Variants in ZMYM6 observed in about 807,000 individuals in gnomAD.
ZMYM6 encodes the protein zinc finger MYM-type protein 6.
A neutral mutation model predicts 134.0 loss-of-function variants in ZMYM6; 90 were observed. The ratio of observed to expected loss-of-function variants is 0.67; its 90% CI spans 0.57 to 0.80. ZMYM6 has a LOEUF of 0.80. ZMYM6 is among the 30% of genes least tolerant of loss of function. The pLI is 0.00. For synonymous variants in ZMYM6, 481 were observed against 524.1 expected (o/e 0.92, Z 1.12); for missense variants, 1,362 against 1,533.9 (o/e 0.89, Z 1.87).
intron 9 of ZMYM6, 21 bp downstream of exon 9, chr1:35,010,737 C>T (rs1292367363): frequency 1.9e-6 from 3 of 1,538,748 alleles, no homozygotes; most frequent in African/African-American, 1.4e-5. Flanking sequence ...ATATACAATC[C>T]CTTTCATGAT....
At chr1:35,023,138 C>T (rs1048038185) in intron 2 of ZMYM6, among the ~76,000 whole-genome samples, 3 of 151,274 alleles carry the variant, frequency 2.0e-5, no homozygotes, top group South Asian at 2.1e-4. Context: ...GATGGAGTTT[C>T]GCTCTTGTTG....
chr1:35,030,751 G>T, intron 1 of ZMYM6, 38 bp from the exon 2 acceptor site: 1 of 1,113,794 alleles, frequency 9.0e-7, no homozygotes, highest in Non-Finnish European at 1.3e-6. Flanking sequence ...TTTTCTTCAG[G>T]CTTATCTATA....
In ZMYM6 at chr1:34,988,804, T is replaced by G. The variant is rs965353852; in HGVS notation, c.2278A>C (p.Lys760Gln). The G allele has an allele frequency of 1.3e-6, 2 of 1,553,850 alleles. No homozygotes were observed. The highest frequency in any genetic ancestry group is 2.7e-5 in the African/African-American group (2 of 73,174). ...CACTGTGGCCTTGGTGAACTTTCTT[T>G]TGATCCAGGACAGATAATAAAACCA... The part of the protein sequence containing the change: ...KVGFIICPGS[K>Q]ESSPRPQCVI... The change falls in exon 16 of 16, where the codon AAA becomes CAA. Residue 760 changes from lysine (K) to glutamine (Q), a missense_variant. Physicochemically the swap from Lys to Gln is moderately conservative, Grantham distance 53 (BLOSUM62 1). Around this residue, in one of 3 missense-constraint regions of ZMYM6, gnomAD observed 824 missense variants for 940.9 expected, o/e 0.88. Coordinates refer to ENST00000357182, the MANE Select transcript of ZMYM6 (RefSeq NM_007167.4).
rs1404309700 is a variant in ZMYM6, at chr1:35,007,576, A to G, written c.1666-478T>C. Among the ~76,000 whole-genome samples, 5 of 151,958 alleles carry G rather than the reference A, an allele frequency of 3.3e-5. No homozygotes were observed. The South Asian group carries it at 8.3e-4, about 25-fold the overall frequency. ...GCACTCCAGCCTGGGTGACAGAGTAAGACTCTGTCTCAATAGAAAAAAAAA... is the reference window on the plus strand; with the variant it reads ...GCACTCCAGCCTGGGTGACAGAGTAGGACTCTGTCTCAATAGAAAAAAAAA... On this transcript the variant is annotated intron_variant, in intron 11 of 15. Coordinates refer to ENST00000357182, the MANE Select transcript of ZMYM6 (RefSeq NM_007167.4).
Position 34,988,514 on chromosome 1 carries a change from A to G in ZMYM6, c.2568T>C (p.Tyr856=), listed in dbSNP as rs61745582. ...FSIAEELIKP[Y]LVEMCSEVLG... Reference sequence around the variant, plus strand: ...AAACTTCTGAACACATTTCTACTAAATATGGTTTAATTAATTCTTCAGCAA... The same window carrying G: ...AAACTTCTGAACACATTTCTACTAAGTATGGTTTAATTAATTCTTCAGCAA... The change falls in exon 16 of 16, where the codon TAT becomes TAC. Residue 856 remains tyrosine (Y), a synonymous_variant. Coordinates refer to ENST00000357182, the MANE Select transcript of ZMYM6 (RefSeq NM_007167.4). The G allele has an allele frequency of 7.6e-3, 11,850 of 1,550,912 alleles. 660 individuals carry two copies. The African/African-American group carries it at 0.13, about 17-fold the overall frequency.
chr1:34,992,239 T>C lies in ZMYM6; in HGVS notation c.2141A>G (p.Gln714Arg). The C allele has an allele frequency of 1.2e-6, 2 of 1,614,010 alleles. No individual in the cohort carries two copies. Among genetic ancestry groups the C allele is most frequent in the African/African-American group, 1.3e-5 (1 of 75,062 alleles). ...CKPHTQHKEC[Q>R]TDLPMPNEKN... ...GAACGCACAAGGATACATACCTGTC[T>C]GACATTCTTTGTGCTGTGTATGTGG... Residue 714 changes from glutamine (Q) to arginine (R), a missense_variant, in exon 15 of 16, where the codon CAG (glutamine) becomes CGG (arginine). This residue lies in a region of ZMYM6 where 824 missense variants were observed against 940.9 expected (regional missense o/e 0.88). Transcript: ENST00000357182.
At chr1:35,011,675 G>A (rs1484942904) in intron 8 of ZMYM6, among the ~76,000 whole-genome samples, 1 of 152,146 alleles carries the variant, frequency 6.6e-6, no homozygotes, top group Admixed American at 6.5e-5. Flanking sequence ...GACAGTTTAG[G>A]CTAGGATCCT....
intron 2 of ZMYM6, among the ~76,000 whole-genome samples, chr1:35,028,631 C>T (rs780360028): frequency 4.6e-5 from 7 of 151,524 alleles, no homozygotes; most frequent in Non-Finnish European, 1.0e-4. Context: ...TCCCAAGTAG[C>T]TGGGACTACA....
intron 3 of ZMYM6, 82 bp downstream of exon 3, chr1:35,020,301 C>T (rs1641282262): frequency 2.4e-6 from 3 of 1,242,044 alleles, no homozygotes; most frequent in East Asian, 4.8e-5. Context: ...GAAAGACATA[C>T]ATGAAAAGAT....
At chr1:34,998,658 G>A (rs550311937) in intron 14 of ZMYM6, among the ~76,000 whole-genome samples, 1 of 152,018 alleles carries the variant, frequency 6.6e-6, no homozygotes, top group South Asian at 2.1e-4. Context: ...AAGTCTGGAG[G>A]GATAAAAGGG....
At chr1:35,029,132 C>T (rs1641470553) in intron 2 of ZMYM6, among the ~76,000 whole-genome samples, 1 of 152,094 alleles carries the variant, frequency 6.6e-6, no homozygotes, top group African/African-American at 2.4e-5. Context: ...GTGAAAGTTG[C>T]AGTGAGCCAC....
intron 2 of ZMYM6, among the ~76,000 whole-genome samples, chr1:35,023,868 C>T (rs1269708714): frequency 9.9e-5 from 15 of 151,682 alleles, no homozygotes; most frequent in African/African-American, 3.2e-4. Context: ...GTGATCTGCC[C>T]GTCTCGGCCT....
intron 2 of ZMYM6, among the ~76,000 whole-genome samples, chr1:35,027,135 A>G (rs948022152): frequency 6.6e-6 from 1 of 152,244 alleles, no homozygotes; most frequent in Non-Finnish European, 1.5e-5. Flanking sequence ...TGGCAGGTGC[A>G]AAGGCAGGGA....
Position 35,007,060 on chromosome 1 carries a change from T to G in ZMYM6, c.1704A>C (p.Leu568=), listed in dbSNP as rs1436622884. 6.2e-7 allele frequency: 1 copy of G among 1,610,168 alleles called. No individual in the cohort carries two copies. Among genetic ancestry groups the G allele is most frequent in the African/African-American group, 1.3e-5 (1 of 74,914 alleles). ...TGCCTCGCCACTTTATGGACTCGCT[T>G]AGTTTACCCTGTCGTTTACAACCAT... ...KCDGCKRQGK[L]SESIKWRGNI... The change falls in exon 12 of 16, where the codon CTA becomes CTC. Residue 568 remains leucine, a synonymous_variant. Transcript: ENST00000357182.
intron 2 of ZMYM6, among the ~76,000 whole-genome samples, chr1:35,024,987 G>A (rs1641381743): frequency 6.6e-6 from 1 of 151,926 alleles, no homozygotes; most frequent in South Asian, 2.1e-4. Flanking sequence ...TCCTGCCTCA[G>A]CCTCCCCAGT....
intron 4 of ZMYM6, 151 bp from the exon 5 acceptor site, chr1:35,015,313 G>A: frequency 1.5e-6 from 1 of 665,326 alleles, no homozygotes; most frequent in Non-Finnish European, 2.5e-6. Context: ...GATGAGTTCT[G>A]CTATTTATCA....
chr1:35,011,810 C>T, intron 8 of ZMYM6, 80 bp downstream of exon 8: 2 of 987,130 alleles, frequency 2.0e-6, no homozygotes, highest in Admixed American at 6.3e-5. Flanking sequence ...TTCATAAGAA[C>T]AGGCCTTCAG....
chr1:35,015,743 A>AAAAAAAAAAAAATAT, intron 4 of ZMYM6, among the ~76,000 whole-genome samples: 1 of 106,470 alleles, frequency 9.4e-6, no homozygotes, highest in Admixed American at 9.7e-5. Context: ...AAAAAAAAAA[A>AAAAAAAAAAAAATAT]ATATATATAT....
At chr1:35,019,289 T>C (rs1214435448) in intron 4 of ZMYM6, 64 bp downstream of exon 4, 1 of 1,604,278 alleles carries the variant, frequency 6.2e-7, no homozygotes, top group Admixed American at 1.7e-5. Context: ...ACAGTATGTT[T>C]GAACTAAACA....
Sources: allele counts gnomAD v4.1 joint callset (sites outside exome capture counted in the v4.1 genomes callset), GRCh38; gene constraint gnomAD v4.1.1; regional missense constraint gnomAD v4.1.1; transcripts MANE v1.5; gene names NCBI Gene and HGNC (gene_info 2026-07-23, HGNC 2026-07-21).